Variants in DNAAF9 observed in about 807,000 individuals in gnomAD.
DNAAF9 encodes the protein shulin.
In DNAAF9, 90 loss-of-function variants were observed where a neutral mutation model predicts 167.0. The observed-to-expected ratio is 0.54, with a 90% CI of 0.45 to 0.64. The LOEUF (loss-of-function observed/expected upper bound fraction) is 0.64. Ranked by LOEUF, DNAAF9 falls within the 30% of genes least tolerant of loss-of-function variation. The probability of loss-of-function intolerance (pLI) is 0.00; values close to 1 mark genes in which losing one functional copy is unlikely to be tolerated. For missense variants in DNAAF9, 1,315 were observed against 1,442.2 expected (o/e 0.91, Z 1.43); for synonymous variants, 491 against 508.8 (o/e 0.96, Z 0.47).
At position 3,315,621 on chromosome 20, in the gene DNAAF9, A is replaced by C; in HGVS notation, c.1590+114T>G. 2.4e-6 allele frequency: 2 copies of C among 839,940 alleles called. No individual in the cohort carries two copies. Among genetic ancestry groups the C allele is most frequent in the Non-Finnish European group, 2.0e-6 (1 of 488,480 alleles). 52.0% of individuals were successfully genotyped at this position (839,940 alleles called of 1,614,324 possible). A position where few individuals can be genotyped will look rare whatever the true frequency, so the allele number is the denominator to read the frequency against. ...GGAATGCAAATAGGAAGTGAAGACA[A>C]CATAGTGCAAGTCTTTTAGATTAGT... On this transcript the variant is annotated intron_variant, in intron 19 of 36. Transcript: ENST00000252032. The surrounding 1 kb of genome is among the most constrained non-coding windows in gnomAD (Gnocchi z 4.1).
In DNAAF9 at chr20:3,400,347, A is replaced by G. The variant is rs189522214; in HGVS notation, c.83+7128T>C. Among the ~76,000 whole-genome samples the G allele has an allele frequency of 3.2e-3, 484 of 151,292 alleles. 9 individuals carry two copies. Among genetic ancestry groups the G allele is most frequent in the Admixed American group, 0.027 (408 of 15,142 alleles). On this transcript the variant is annotated intron_variant, in intron 1 of 36. Coordinates refer to ENST00000252032, the MANE Select transcript of DNAAF9 (RefSeq NM_001009984.3). ...AGCTGGAGTAGTAAACTCCAAGTAA[A>G]CAAAAGTTTACTAAGTAAACAAATC... is the stretch of plus-strand genomic sequence containing the variant.
Position 3,295,900 on chromosome 20 carries a change from T to G in DNAAF9, c.2018+961A>C, listed in dbSNP as rs1253689697. 3 of 1,352,892 alleles carry G rather than the reference T, an allele frequency of 2.2e-6. No homozygotes were observed. The African/African-American group carries it at 4.3e-5, about 19-fold the overall frequency. 83.8% of individuals were successfully genotyped at this position (1,352,892 alleles called of 1,614,324 possible). A position where few individuals can be genotyped will look rare whatever the true frequency, so the allele number is the denominator to read the frequency against. On this transcript the variant is annotated intron_variant, in intron 23 of 36. Transcript: ENST00000252032. ...TGGGAGCCCAGCCAGTGCCGTCAATTGAATGTTCTCTCAGTAAACTCAGAC... is the reference window on the plus strand; with the variant it reads ...TGGGAGCCCAGCCAGTGCCGTCAATGGAATGTTCTCTCAGTAAACTCAGAC...
Position 3,259,943 on chromosome 20 carries a change from G to A in DNAAF9, c.2959C>T (p.Arg987Cys), listed in dbSNP as rs978405040. Residue 987 changes from arginine to cysteine, a missense_variant, in exon 32 of 37, where the codon CGC becomes TGC. Transcript: ENST00000252032. ...VWFGRPLEKT[R>C]FVAKCKAIQS... ...TTACCTTTACATTTGGCCACAAAGC[G>A]AGTCTTCTCCAAGGGACGGCCAAAC... 1 of 1,607,620 alleles carries A rather than the reference G, an allele frequency of 6.2e-7. No individual in the cohort carries two copies. The highest frequency in any genetic ancestry group is 2.2e-5 in the East Asian group (1 of 44,850).
chr20:3,341,496 C>T (rs2070084735), intron 9 of DNAAF9, among the ~76,000 whole-genome samples: 1 of 152,214 alleles, frequency 6.6e-6, no homozygotes, highest in Non-Finnish European at 1.5e-5. Flanking sequence ...TTCCCTATGT[C>T]TGCTCCCCTT....
At chr20:3,312,949 G>C (rs537861246) in intron 20 of DNAAF9, among the ~76,000 whole-genome samples, 1 of 152,290 alleles carries the variant, frequency 6.6e-6, no homozygotes, top group East Asian at 1.9e-4. Flanking sequence ...TGACTAATAA[G>C]CCTCCAGAAA....
chr20:3,332,900 G>GGTGTGTGTGTGTGTGTGGTGTGT (rs2069863931), intron 10 of DNAAF9, among the ~76,000 whole-genome samples: 1 of 146,840 alleles, frequency 6.8e-6, no homozygotes, highest in South Asian at 2.2e-4. Flanking sequence ...GTGTGCGTGT[G>GGTGTGTGTGTGTGTGTGGTGTGT]GTGTGTGTGT....
At chr20:3,294,344 C>A in intron 24 of DNAAF9, 88 bp from the exon 25 acceptor site, 3 of 927,842 alleles carry the variant, frequency 3.2e-6, no homozygotes, top group Non-Finnish European at 5.2e-6. Context: ...TACTTAATTG[C>A]TGAAAAATAA....
At chr20:3,394,397 T>C (rs1446518001) in intron 1 of DNAAF9, among the ~76,000 whole-genome samples, 1 of 151,984 alleles carries the variant, frequency 6.6e-6, no homozygotes, top group Non-Finnish European at 1.5e-5. Flanking sequence ...TCTCCAATTC[T>C]CTAGATTTTG....
chr20:3,301,836 A>C (rs2069194953), intron 21 of DNAAF9, among the ~76,000 whole-genome samples: 1 of 152,196 alleles, frequency 6.6e-6, no homozygotes, highest in Non-Finnish European at 1.5e-5. Flanking sequence ...TAATAAAGAT[A>C]CAACTCTTCG....
At chr20:3,301,498 T>C (rs2069188968) in intron 21 of DNAAF9, among the ~76,000 whole-genome samples, 1 of 152,160 alleles carries the variant, frequency 6.6e-6, no homozygotes, top group African/African-American at 2.4e-5. Context: ...CCTTATCCTG[T>C]TTTTAAAACT....
intron 29 of DNAAF9, among the ~76,000 whole-genome samples, chr20:3,274,164 A>G (rs945891831): frequency 1.3e-5 from 2 of 152,000 alleles, no homozygotes; most frequent in African/African-American, 4.8e-5. Context: ...TTTTTTTGAG[A>G]CAGAGTCTCA....
chr20:3,313,852 A>C (rs1044158504), intron 20 of DNAAF9, among the ~76,000 whole-genome samples: 5 of 152,280 alleles, frequency 3.3e-5, no homozygotes, highest in South Asian at 4.2e-4. Flanking sequence ...GGGTGGAGCC[A>C]TGAGCCCAGA....
In DNAAF9 at chr20:3,259,905, T is replaced by TTG; in HGVS notation, c.2980+16_2980+17insCA. On this transcript the variant is annotated intron_variant, in intron 32 of 36. Coordinates refer to ENST00000252032, the MANE Select transcript of DNAAF9 (RefSeq NM_001009984.3). ...CACCCTTTTTCCAGTGTCTAGGACATCTCAGTCAAGGCTTACCTTTACATT... is the reference window on the plus strand; with the variant it reads ...CACCCTTTTTCCAGTGTCTAGGACATTGCTCAGTCAAGGCTTACCTTTACATT... 1 of 1,447,946 alleles carries TTG rather than the reference T, an allele frequency of 6.9e-7. No homozygotes were observed. Among genetic ancestry groups the TTG allele is most frequent in the South Asian group, 1.1e-5 (1 of 87,628 alleles). The allele number at this position is 1,447,946 out of a possible 1,614,324, so 89.7% of individuals were successfully genotyped here.
At chr20:3,298,480 G>C (rs1445528688) in intron 21 of DNAAF9, among the ~76,000 whole-genome samples, 1 of 152,048 alleles carries the variant, frequency 6.6e-6, no homozygotes, top group Non-Finnish European at 1.5e-5. Flanking sequence ...ACTATGCCTG[G>C]CTAATTTTTT....
chr20:3,263,416 G>A (rs1284563431), intron 31 of DNAAF9, among the ~76,000 whole-genome samples: 1 of 152,190 alleles, frequency 6.6e-6, no homozygotes, highest in Non-Finnish European at 1.5e-5. Context: ...CTTTAACAAT[G>A]TCTTCCCCTA....
intron 7 of DNAAF9, among the ~76,000 whole-genome samples, chr20:3,357,959 A>G (rs575816233): frequency 6.6e-6 from 1 of 152,224 alleles, no homozygotes; most frequent in African/African-American, 2.4e-5. Context: ...GTAGTGAGCT[A>G]TGATCACCGC....
At chr20:3,266,908 A>C (rs1306566143) in intron 30 of DNAAF9, among the ~76,000 whole-genome samples, 5 of 146,296 alleles carry the variant, frequency 3.4e-5, no homozygotes, top group Non-Finnish European at 7.5e-5. Flanking sequence ...GCTAGAGTGC[A>C]ATGGCGCAAT....
intron 33 of DNAAF9, among the ~76,000 whole-genome samples, chr20:3,258,517 G>T (rs1463972825): frequency 6.6e-6 from 1 of 152,056 alleles, no homozygotes; most frequent in Non-Finnish European, 1.5e-5. Flanking sequence ...GAGATAAGTC[G>T]GCAGAGAAAT....
intron 7 of DNAAF9, among the ~76,000 whole-genome samples, chr20:3,358,545 A>C (rs1483463382): frequency 1.3e-5 from 2 of 152,018 alleles, no homozygotes; most frequent in African/African-American, 4.8e-5. Flanking sequence ...CAGCCTCCTC[A>C]CACCTGCTGG....
Sources: gnomAD v4.1 joint callset for allele counts (sites outside exome capture counted in the v4.1 genomes callset) on GRCh38, gnomAD v4.1.1 for gene constraint, Gnocchi (gnomAD v3.1) non-coding constraint, MANE v1.5 for transcripts, NCBI Gene and HGNC (gene_info 2026-07-23, HGNC 2026-07-21) for gene names.